Variants in ABCA13 observed in about 807,000 individuals in gnomAD.
ABCA13 encodes ATP binding cassette subfamily A member 13, also known as ATP-binding cassette sub-family A member 13.
In ABCA13, 476 loss-of-function variants were observed where a neutral mutation model predicts 478.7. The observed-to-expected ratio is 0.99, with a 90% CI of 0.92 to 1.07. The LOEUF (loss-of-function observed/expected upper bound fraction) is 1.07. ABCA13 is among the 50% of genes least tolerant of loss of function. The probability of loss-of-function intolerance (pLI) is 0.00; values close to 1 mark genes in which losing one functional copy is unlikely to be tolerated. For missense variants in ABCA13, 6,060 were observed against 5,910.6 expected, an observed-to-expected ratio of 1.03 and a Z score of -0.83; for synonymous variants, 2,252 against 2,158.9, an observed-to-expected ratio of 1.04 and a Z score of -1.20.
At chr7:48,183,318 ATTGT>A (rs776125525) in intron 1 of ABCA13, among the ~76,000 whole-genome samples, 6 of 152,178 alleles carry the variant, frequency 3.9e-5, no homozygotes, top group South Asian at 2.1e-4. Flanking sequence ...CAATCTGGAG[ATTGT>A]TTGTTCAAGA....
Position 48,272,340 on chromosome 7 carries a change from G to T in ABCA13, c.2674G>T (p.Val892Leu), listed in dbSNP as rs1428840950. The T allele has an allele frequency of 6.2e-7, 1 of 1,613,594 alleles. No individual in the cohort carries two copies. Among genetic ancestry groups the T allele is most frequent in the Admixed American group, 1.7e-5 (1 of 59,976 alleles). The change falls in exon 17 of 62, where the codon GTA (valine) becomes TTA (leucine). Residue 892 changes from valine (V) to leucine (L), a missense_variant. Around this residue, in one of 3 missense-constraint regions of ABCA13, gnomAD observed 4,423 missense variants for 4,309.1 expected, o/e 1.03. Coordinates refer to ENST00000435803, the MANE Select transcript of ABCA13 (RefSeq NM_152701.5). ...ATCACCAGCTATGAACATAGATTTT[G>T]TACGTTTAAGTGAGGCTATAATAAC... ...PKSPAMNIDFVRLSEAIITSL... is the reference protein window; with the variant it reads ...PKSPAMNIDFLRLSEAIITSL...
At chr7:48,493,416 G>A (rs1830011781) in intron 48 of ABCA13, among the ~76,000 whole-genome samples, 1 of 152,134 alleles carries the variant, frequency 6.6e-6, no homozygotes, top group Non-Finnish European at 1.5e-5. Flanking sequence ...ATGAACCTAA[G>A]AGGAAATTTC....
At chr7:48,533,512 G>A (rs959191926) in intron 55 of ABCA13, among the ~76,000 whole-genome samples, 3 of 152,020 alleles carry the variant, frequency 2.0e-5, no homozygotes, top group Non-Finnish European at 2.9e-5. Flanking sequence ...GAGTCCATTT[G>A]TTCTAGGGTA....
intron 5 of ABCA13, among the ~76,000 whole-genome samples, chr7:48,226,385 C>T (rs77941832): frequency 0.018 from 2,766 of 152,276 alleles, 100 homozygotes; most frequent in African/African-American, 0.064. Context: ...CTGAGACCCT[C>T]TTTTCATTCC....
chr7:48,271,709 ATGAG>A, intron 16 of ABCA13, 74 bp from the exon 17 acceptor site: 1 of 885,432 alleles, frequency 1.1e-6, no homozygotes, highest in Non-Finnish European at 1.5e-6. Context: ...CTATCAATAA[ATGAG>A]TATTAACTTG....
At chr7:48,316,767 C>T (rs1468461012) in intron 26 of ABCA13, among the ~76,000 whole-genome samples, 2 of 152,128 alleles carry the variant, frequency 1.3e-5, no homozygotes, top group African/African-American at 4.8e-5. Flanking sequence ...GCAGAGATCA[C>T]AGGACAAGAG....
rs186457811 is a variant in ABCA13 at position 48,320,569 on chromosome 7, T to C, written c.9999+3273T>C. 2.6e-5 allele frequency among the ~76,000 whole-genome samples: 4 copies of C among 152,272 alleles called. No individual in the cohort carries two copies. The East Asian group carries it at 7.7e-4, about 29-fold the overall frequency. On this transcript the variant is annotated intron_variant, in intron 27 of 61. Transcript: ENST00000435803. ...GCTCTTTTTATTTTATAGGTCAGAG[T>C]CGTGTTCAGTTTTGGCCCTAGGCTG...
intron 20 of ABCA13, among the ~76,000 whole-genome samples, 174 bp downstream of exon 20, chr7:48,288,252 G>C (rs991111939): frequency 6.6e-6 from 1 of 152,142 alleles, no homozygotes; most frequent in Admixed American, 6.6e-5. Flanking sequence ...CTCCCTCTTG[G>C]CCTCTCCCAG....
At chr7:48,223,198 G>C (rs1584281621) in intron 5 of ABCA13, among the ~76,000 whole-genome samples, 1 of 152,040 alleles carries the variant, frequency 6.6e-6, no homozygotes, top group East Asian at 1.9e-4. Context: ...GAGGAGGAGA[G>C]GGTATAAAGG....
intron 57 of ABCA13, among the ~76,000 whole-genome samples, chr7:48,594,326 T>G (rs1790064197): frequency 6.6e-6 from 1 of 152,160 alleles, no homozygotes; most frequent in African/African-American, 2.4e-5. Context: ...TCACAGATTT[T>G]TTTTATCTGC....
At chr7:48,468,019 A>G (rs1180088581) in intron 44 of ABCA13, among the ~76,000 whole-genome samples, 1 of 152,202 alleles carries the variant, frequency 6.6e-6, no homozygotes, top group African/African-American at 2.4e-5. Flanking sequence ...GATGGAATAC[A>G]CAGGGTGTAA....
intron 12 of ABCA13, 70 bp from the exon 13 acceptor site, chr7:48,245,793 C>G: frequency 6.7e-7 from 1 of 1,493,186 alleles, no homozygotes; most frequent in African/African-American, 1.4e-5. Context: ...ATTTGCAGTT[C>G]TTGAGCCCAT....
chr7:48,461,605 C>T (rs956830034), intron 43 of ABCA13, among the ~76,000 whole-genome samples: 4 of 152,138 alleles, frequency 2.6e-5, no homozygotes, highest in African/African-American at 9.7e-5. Context: ...TCATGCTCTA[C>T]CCAACCATGA....
chr7:48,278,788 G>A lies in ABCA13; in HGVS notation c.7594G>A (p.Val2532Ile). Reference protein sequence around the residue: ...IVKLLKLVKKVSGKMSTVFKT... With the variant: ...IVKLLKLVKKISGKMSTVFKT... Reference sequence around the variant, plus strand: ...GAAACTTCTTAAGCTGGTCAAGAAAGTTTCGGGGAAGATGTCCACAGTTTT... The same window carrying A: ...GAAACTTCTTAAGCTGGTCAAGAAAATTTCGGGGAAGATGTCCACAGTTTT... The change falls in exon 18 of 62, where the codon GTT becomes ATT. Residue 2532 changes from valine to isoleucine, a missense_variant. This residue lies in a region of ABCA13 where 4,423 missense variants were observed against 4,309.1 expected (regional missense o/e 1.03). Coordinates refer to ENST00000435803, the MANE Select transcript of ABCA13 (RefSeq NM_152701.5). The A allele has an allele frequency of 6.2e-7, 1 of 1,613,922 alleles. No individual in the cohort carries two copies. Among genetic ancestry groups the A allele is most frequent in the African/African-American group, 1.3e-5 (1 of 75,044 alleles).
At chr7:48,614,926 C>T (rs1792408828) in intron 58 of ABCA13, among the ~76,000 whole-genome samples, 1 of 147,914 alleles carries the variant, frequency 6.8e-6, no homozygotes, top group Non-Finnish European at 1.5e-5. Context: ...AGGAGATATA[C>T]CTAATGCTAA....
intron 56 of ABCA13, among the ~76,000 whole-genome samples, chr7:48,583,201 C>G (rs117524065): frequency 0.012 from 1,879 of 152,270 alleles, 18 homozygotes; most frequent in South Asian, 0.036. Context: ...TTCCCCTTAT[C>G]TTCTGTAAAG....
In ABCA13 at chr7:48,471,604, GTTTC is replaced by G. The variant is rs1563312945; in HGVS notation, c.12975+7_12975+10del. On this transcript the variant is annotated splice_donor_region_variant and intron_variant, in intron 45 of 61. Coordinates refer to ENST00000435803, the MANE Select transcript of ABCA13 (RefSeq NM_152701.5). ...CAGGATTCATGTGGCTGCCTGGTAG[GTTTC>G]TGCAGCATTTTTGATCTTTTTAAGT... 6.4e-7 allele frequency: 1 copy of G among 1,558,022 alleles called. No homozygotes were observed.
intron 5 of ABCA13, among the ~76,000 whole-genome samples, chr7:48,223,939 A>G (rs1385972451): frequency 4.1e-5 from 6 of 147,366 alleles, no homozygotes; most frequent in Admixed American, 3.4e-4. Flanking sequence ...AGCCTGGGTG[A>G]CAGAGCAAGA....
rs1052771397 is a variant in ABCA13 at position 48,273,279 on chromosome 7, G to A, written c.3613G>A (p.Val1205Ile). 8.1e-6 allele frequency: 13 copies of A among 1,613,502 alleles called. No individual in the cohort carries two copies. The Admixed American group carries it at 1.0e-4, about 12-fold the overall frequency. ...SCQGILPTHN[V>I]ARLILNLFKN... is the part of the protein sequence containing the mutation. ...CCAGGGTATACTTCCCACCCATAATGTTGCTAGACTCATATTAAATTTGTT... is the reference window on the plus strand; with the variant it reads ...CCAGGGTATACTTCCCACCCATAATATTGCTAGACTCATATTAAATTTGTT... The change falls in exon 17 of 62, where the codon GTT becomes ATT. Residue 1205 changes from valine to isoleucine, a missense_variant. Physicochemically the swap from Val to Ile is conservative, Grantham distance 29. Around this residue, in one of 3 missense-constraint regions of ABCA13, gnomAD observed 4,423 missense variants for 4,309.1 expected, o/e 1.03. Coordinates refer to ENST00000435803, the MANE Select transcript of ABCA13 (RefSeq NM_152701.5).
Sources: allele counts gnomAD v4.1 joint callset (sites outside exome capture counted in the v4.1 genomes callset), GRCh38; gene constraint gnomAD v4.1.1; regional missense constraint gnomAD v4.1.1; transcripts MANE v1.5; gene names NCBI Gene and HGNC (gene_info 2026-07-23, HGNC 2026-07-21).